Variants in TTC3 observed in about 807,000 individuals in gnomAD.
TTC3 encodes E3 ubiquitin-protein ligase TTC3.
A neutral mutation model predicts 249.6 loss-of-function variants in TTC3; 180 were observed. The observed-to-expected ratio is 0.72, with a 90% CI of 0.64 to 0.82. The LOEUF (loss-of-function observed/expected upper bound fraction) is 0.82. Ranked by LOEUF, TTC3 falls within the 40% of genes least tolerant of loss-of-function variation. The pLI is 0.00. For synonymous variants in TTC3, 717 were observed against 805.0 expected, an observed-to-expected ratio of 0.89 and a Z score of 1.85; for missense variants, 2,061 against 2,398.4, an observed-to-expected ratio of 0.86 and a Z score of 2.94.
chr21:37,156,093 G>C (rs960072497), intron 27 of TTC3, among the ~76,000 whole-genome samples: 1 of 151,520 alleles, frequency 6.6e-6, no homozygotes, highest in African/African-American at 2.4e-5. Flanking sequence ...CTGGAGTGCA[G>C]TGGCGCCGTC....
At chr21:37,097,512 T>G (rs1325735591) in intron 10 of TTC3, among the ~76,000 whole-genome samples, 1 of 152,202 alleles carries the variant, frequency 6.6e-6, no homozygotes, top group Non-Finnish European at 1.5e-5. Flanking sequence ...TAGTTATAAT[T>G]CATATTTGCC....
chr21:37,087,369 G>A (rs759449583), exon 2 of TTC3: 1 of 1,613,848 alleles, frequency 6.2e-7, no homozygotes, highest in Non-Finnish European at 8.5e-7. Flanking sequence ...CAATGATTAT[G>A]TTCGTGTGAC....
intron 39 of TTC3, among the ~76,000 whole-genome samples, chr21:37,190,071 G>A (rs1263843861): frequency 6.7e-6 from 1 of 148,820 alleles, no homozygotes; most frequent in African/African-American, 2.5e-5. Flanking sequence ...CAAACCCTCA[G>A]CATTGAACCA....
At chr21:37,145,650 A>C (rs544078008) in intron 21 of TTC3, among the ~76,000 whole-genome samples, 2 of 152,354 alleles carry the variant, frequency 1.3e-5, no homozygotes, top group South Asian at 2.1e-4. Context: ...CTGGTGATTT[A>C]TGAAGAAAAG....
rs755312484 is a variant in TTC3 at position 37,166,579 on chromosome 21, A to G, written c.4365A>G (p.Val1455=). 3.7e-6 allele frequency: 6 copies of G among 1,613,708 alleles called. No homozygotes were observed. The African/African-American group carries it at 8.0e-5, about 22-fold the overall frequency. The change falls in exon 33 of 46, where the codon GTA becomes GTG. Residue 1455 remains valine (V), a synonymous_variant. Transcript: ENST00000355666. ...TAATTCCAGAAAGCACCAGTGCAGT[A>G]ACAAACATTCCACACGTGCAGATGG...
At chr21:37,073,849 C>T (rs1431084668) in intron 1 of TTC3, among the ~76,000 whole-genome samples, 4 of 152,234 alleles carry the variant, frequency 2.6e-5, no homozygotes, top group African/African-American at 9.6e-5. Context: ...CTGTGGGCTG[C>T]GCGTCCCCTA....
At chr21:37,195,591 A>G in intron 41 of TTC3, 84 bp from the exon 42 acceptor site, 1 of 1,510,990 alleles carries the variant, frequency 6.6e-7, no homozygotes, top group Non-Finnish European at 8.9e-7. Context: ...GCGTTACTGT[A>G]TTTATTCATC....
At chr21:37,108,518 G>A in intron 11 of TTC3, 72 bp downstream of exon 11, 1 of 1,403,846 alleles carries the variant, frequency 7.1e-7, no homozygotes, top group Non-Finnish European at 9.8e-7. Flanking sequence ...TTTATAGGGT[G>A]TGTTTGTTCA....
At position 37,096,422 on chromosome 21, in the gene TTC3, G is replaced by A. The variant is rs546309550; in HGVS notation, c.783-159G>A. On this transcript the variant is annotated intron_variant, in intron 9 of 45. Coordinates refer to ENST00000355666, the Ensembl canonical transcript of TTC3. ...ACTTATGTAAGAAGTGAAGGAACGG[G>A]GACTTCGCCAGTTAAGACTCCAGGT... 7.9e-5 allele frequency among the ~76,000 whole-genome samples: 12 copies of A among 152,252 alleles called. No homozygotes were observed. The South Asian group carries it at 2.5e-3, about 32-fold the overall frequency.
chr21:37,165,422 T>C (rs1031659894), intron 32 of TTC3, 128 bp from the exon 33 acceptor site: 12 of 685,470 alleles, frequency 1.8e-5, no homozygotes, highest in Non-Finnish European at 2.7e-5. Context: ...ATATTTGTTG[T>C]TGAGGAAAGG....
At chr21:37,137,545 C>T (rs2078064958) in intron 18 of TTC3, among the ~76,000 whole-genome samples, 1 of 152,036 alleles carries the variant, frequency 6.6e-6, no homozygotes, top group Non-Finnish European at 1.5e-5. Flanking sequence ...CAGGATAAAA[C>T]TTGAAGGGAT....
chr21:37,188,609 G>T lies in TTC3; in HGVS notation c.5024+14G>T. The stretch of plus-strand genomic sequence containing the variant: ...GCTGATTAGCCGGTATTGCAGTTTC[G>T]TGGGTGTTCTCAGCACGTCATTTAG... On this transcript the variant is annotated intron_variant, in intron 39 of 45. Transcript: ENST00000355666. The T allele has an allele frequency of 1.2e-6, 2 of 1,608,216 alleles. No homozygotes were observed. The highest frequency in any genetic ancestry group is 8.5e-7 in the Non-Finnish European group (1 of 1,174,848).
At chr21:37,133,201 C>T (rs922834367) in intron 17 of TTC3, among the ~76,000 whole-genome samples, 3 of 152,094 alleles carry the variant, frequency 2.0e-5, no homozygotes, top group Non-Finnish European at 4.4e-5. Context: ...TATACTTATT[C>T]TAAAATCATT....
rs561578074 is a variant in TTC3, at chr21:37,152,093, A to G, written c.2413+64A>G. ...CTCATTTAAATGTATAAATGTAAGC[A>G]TCTTTTGGGCCTTATATTCATCATT... On this transcript the variant is annotated intron_variant, in intron 26 of 45. Transcript: ENST00000355666. 99 of 1,436,524 alleles carry G rather than the reference A, an allele frequency of 6.9e-5. No homozygotes were observed. In the African/African-American group the frequency reaches 1.3e-3, roughly 19 times the overall value. 89.0% of individuals were successfully genotyped at this position (1,436,524 alleles called of 1,614,324 possible).
chr21:37,165,669 T>C, exon 33 of TTC3: 1 of 1,614,042 alleles, frequency 6.2e-7, no homozygotes, highest in African/African-American at 1.3e-5. Flanking sequence ...GCAGGAGGTT[T>C]AAAACCTTTT....
chr21:37,162,689 T>A (rs1480351497), intron 31 of TTC3, among the ~76,000 whole-genome samples: 2 of 151,832 alleles, frequency 1.3e-5, no homozygotes, highest in Non-Finnish European at 2.9e-5. Flanking sequence ...ATGGATTCTT[T>A]AAGTAGGGTA....
At chr21:37,152,154 A>G in intron 26 of TTC3, 125 bp downstream of exon 26, 1 of 1,120,548 alleles carries the variant, frequency 8.9e-7, no homozygotes. Flanking sequence ...TAGTAATTTA[A>G]TACTATCACT....
intron 18 of TTC3, 72 bp downstream of exon 18, chr21:37,135,586 G>A: frequency 6.5e-7 from 1 of 1,529,634 alleles, no homozygotes; most frequent in South Asian, 1.2e-5. Flanking sequence ...AGAACCAAGG[G>A]CTTAACTCAT....
At position 37,087,817 on chromosome 21, in the gene TTC3, A is replaced by G. The variant is rs772148104; in HGVS notation, c.145-16A>G. On this transcript the variant is annotated splice_polypyrimidine_tract_variant and intron_variant, in intron 2 of 45. Transcript: ENST00000355666. ...ATTTTACTAGACACAAATCAAAATA[A>G]TTTTCTTCTTTTTAGGGTGTGCAAT... 4 of 1,572,668 alleles carry G rather than the reference A, an allele frequency of 2.5e-6. No individual in the cohort carries two copies. In the South Asian group the frequency reaches 4.6e-5, roughly 18 times the overall value.
Sources: gnomAD v4.1 joint callset for allele counts (sites outside exome capture counted in the v4.1 genomes callset) on GRCh38, gnomAD v4.1.1 for gene constraint, MANE v1.5 for transcripts, NCBI Gene and HGNC (gene_info 2026-07-23, HGNC 2026-07-21) for gene names.